The following RALGPS1 variants were observed in gnomAD, a reference collection of about 807,000 sequenced individuals.
The protein encoded by RALGPS1 is ras-specific guanine nucleotide-releasing factor RalGPS1.
In RALGPS1, 19 loss-of-function variants were observed where a neutral mutation model predicts 78.8. The observed-to-expected ratio is 0.24, with a 90% CI of 0.17 to 0.35. The LOEUF (loss-of-function observed/expected upper bound fraction) is 0.35, where lower values mean the gene tolerates loss of function less well. RALGPS1 is among the 10% of genes least tolerant of loss of function. The pLI is 1.00. For synonymous variants in RALGPS1, 228 were observed against 256.3 expected, an observed-to-expected ratio of 0.89 and a Z score of 1.06; for missense variants, 454 against 688.3, an observed-to-expected ratio of 0.66 and a Z score of 3.81.
At chr9:127,100,623 G>A (rs186433877) in intron 8 of RALGPS1, among the ~76,000 whole-genome samples, 3 of 152,324 alleles carry the variant, frequency 2.0e-5, no homozygotes, top group Admixed American at 2.0e-4. Context: ...GGTCTCTGAT[G>A]TAGAGGTGGG....
Position 127,212,571 on chromosome 9 carries a change from G to T in RALGPS1, c.1354-56G>T. On this transcript the variant is annotated intron_variant, in intron 15 of 18. Transcript: ENST00000259351. This position sits in a 1 kb window ranked among gnomAD's most constrained non-coding sequence, Gnocchi z 6.0. ...ATGGCTGGGTCTGTAATCGGCCAGG[G>T]ATCCTCTACCCCCACGACCCCTGGT... is the stretch of plus-strand genomic sequence containing the variant. 7.7e-7 allele frequency: 1 copy of T among 1,306,940 alleles called. No homozygotes were observed. Among genetic ancestry groups the T allele is most frequent in the Non-Finnish European group, 1.1e-6 (1 of 924,944 alleles). The allele number at this position is 1,306,940 out of a possible 1,614,324, so 81.0% of individuals were successfully genotyped here.
chr9:126,923,350 C>T (rs1006022677), intron 1 of RALGPS1, among the ~76,000 whole-genome samples: 5 of 152,288 alleles, frequency 3.3e-5, no homozygotes, highest in East Asian at 1.9e-4. Flanking sequence ...AGGGTCCTAA[C>T]GCCTCAAGTG....
chr9:127,174,297 AAG>A (rs375423416), intron 10 of RALGPS1, among the ~76,000 whole-genome samples: 6,432 of 149,196 alleles, frequency 0.043, 489 homozygotes, highest in African/African-American at 0.16. Context: ...AAGAGAAAGA[AAG>A]AGAAAGAAAG....
intron 7 of RALGPS1, among the ~76,000 whole-genome samples, chr9:127,060,491 G>A (rs2049111607): frequency 6.6e-6 from 1 of 150,860 alleles, no homozygotes; most frequent in South Asian, 2.1e-4. Flanking sequence ...CTCATATTGA[G>A]GGGTTGGTAA....
In RALGPS1 at chr9:127,221,991, G is replaced by A. The variant is rs1318273509; in HGVS notation, c.*3222G>A. The A allele has an allele frequency of 3.9e-5, 6 of 152,230 alleles. No homozygotes were observed. In the East Asian group the frequency reaches 1.2e-3, roughly 29 times the overall value. The allele number at this position is 152,230 out of a possible 1,614,324, so 9.4% of individuals were successfully genotyped here. A position where few individuals can be genotyped will look rare whatever the true frequency, so the allele number is the denominator to read the frequency against. On this transcript the variant is annotated 3_prime_UTR_variant, in exon 19 of 19. Coordinates refer to ENST00000259351, the MANE Select transcript of RALGPS1 (RefSeq NM_014636.3). Reference sequence around the variant, plus strand: ...GTGAGCCCATAAATGACTTAAATCAGCTTTACATCATTTTTACATATCAAG... The same window carrying A: ...GTGAGCCCATAAATGACTTAAATCAACTTTACATCATTTTTACATATCAAG...
At chr9:127,124,250 G>A (rs964311724) in intron 8 of RALGPS1, among the ~76,000 whole-genome samples, 4 of 152,334 alleles carry the variant, frequency 2.6e-5, no homozygotes, top group South Asian at 2.1e-4. Flanking sequence ...GAAAGGCAGC[G>A]CAGTCTCTAC....
chr9:126,992,451 A>G (rs2417046), intron 4 of RALGPS1, among the ~76,000 whole-genome samples: 110,451 of 152,092 alleles, frequency 0.73, 40,330 homozygotes, highest in East Asian at 0.81. Flanking sequence ...GGTAGTGTAC[A>G]TCCTTAAAGT....
At position 127,129,921 on chromosome 9, in the gene RALGPS1, C is replaced by G. The variant is rs377603580; in HGVS notation, c.611-36148C>G. Among the ~76,000 whole-genome samples the G allele has an allele frequency of 2.6e-5, 4 of 152,368 alleles. 1 individual carries two copies. The highest frequency in any genetic ancestry group is 9.6e-5 in the African/African-American group (4 of 41,576). The stretch of plus-strand genomic sequence containing the variant: ...TCTTCATCTGCTCCCAGGATCTGCT[C>G]TTTGGCACCCTGCCCTGTGCCCAGA... On this transcript the variant is annotated intron_variant, in intron 8 of 18. Transcript: ENST00000259351.
At chr9:127,062,243 G>A (rs963052981) in intron 7 of RALGPS1, among the ~76,000 whole-genome samples, 3 of 151,902 alleles carry the variant, frequency 2.0e-5, no homozygotes, top group African/African-American at 4.8e-5. Flanking sequence ...GACTACAGGC[G>A]CCCACCACCA....
chr9:127,052,735 A>T, intron 6 of RALGPS1, 112 bp from the exon 7 acceptor site: 1 of 694,700 alleles, frequency 1.4e-6, no homozygotes, highest in South Asian at 1.8e-5. Context: ...TCCACATGAG[A>T]TATTTTTAAG....
At chr9:126,920,258 A>G (rs764975823) in intron 1 of RALGPS1, among the ~76,000 whole-genome samples, 6 of 152,110 alleles carry the variant, frequency 3.9e-5, no homozygotes, top group Non-Finnish European at 7.4e-5. Flanking sequence ...GGTGAAACCC[A>G]TTCTCTGGAC....
At position 126,965,872 on chromosome 9, in the gene RALGPS1, G is replaced by T. The variant is rs376798704; in HGVS notation, c.86G>T (p.Gly29Val). The part of the protein sequence containing the change: ...QGSSSSDSLE[G>V]QSCDYASKSY... The stretch of plus-strand genomic sequence containing the variant: ...AGCAGCAGCTCGGACTCTCTGGAGG[G>T]CCAGAGCTGCGACTATGCCAGCAAG... Residue 29 changes from glycine to valine, a missense_variant, in exon 3 of 19, where the codon GGC (glycine) becomes GTC (valine). Coordinates refer to ENST00000259351, the MANE Select transcript of RALGPS1 (RefSeq NM_014636.3). 6.2e-7 allele frequency: 1 copy of T among 1,614,066 alleles called. No homozygotes were observed. Among genetic ancestry groups the T allele is most frequent in the Non-Finnish European group, 8.5e-7 (1 of 1,179,984 alleles).
chr9:126,944,570 G>A (rs759175025), intron 1 of RALGPS1, among the ~76,000 whole-genome samples: 1 of 148,322 alleles, frequency 6.7e-6, no homozygotes, highest in African/African-American at 2.5e-5. Flanking sequence ...GAGACTATGG[G>A]GAGGGAAATT....
chr9:127,185,802 A>G (rs2060606846), intron 11 of RALGPS1, among the ~76,000 whole-genome samples: 1 of 152,102 alleles, frequency 6.6e-6, no homozygotes, highest in Non-Finnish European at 1.5e-5. Context: ...CCAGTGTAGT[A>G]TCTCCAGCTC....
At chr9:127,090,417 G>A (rs868214847) in intron 8 of RALGPS1, among the ~76,000 whole-genome samples, 3 of 152,236 alleles carry the variant, frequency 2.0e-5, no homozygotes, top group Admixed American at 1.3e-4. Flanking sequence ...CAGAATGAGG[G>A]CCTGTTCCTC....
intron 1 of RALGPS1, among the ~76,000 whole-genome samples, chr9:126,960,804 A>G (rs550891051): frequency 1.6e-4 from 25 of 152,202 alleles, no homozygotes; most frequent in Non-Finnish European, 2.6e-4. Context: ...CAAATCTGCT[A>G]TGTCACCTCT....
chr9:126,932,805 A>T (rs1337370722), intron 1 of RALGPS1, among the ~76,000 whole-genome samples: 1 of 152,228 alleles, frequency 6.6e-6, no homozygotes, highest in Non-Finnish European at 1.5e-5. Context: ...AAATACATAT[A>T]TACATGTTAG....
At chr9:127,116,273 A>T (rs980965217) in intron 8 of RALGPS1, among the ~76,000 whole-genome samples, 1 of 151,766 alleles carries the variant, frequency 6.6e-6, no homozygotes, top group Non-Finnish European at 1.5e-5. Context: ...CTCCAGGAAG[A>T]GTTCATGGAG....
chr9:127,157,846 C>T (rs961409903), intron 8 of RALGPS1, among the ~76,000 whole-genome samples: 1 of 152,104 alleles, frequency 6.6e-6, no homozygotes, highest in Non-Finnish European at 1.5e-5. Flanking sequence ...TTATCACATT[C>T]AGCATAGTGT....
Sources: gnomAD v4.1 joint callset for allele counts (sites outside exome capture counted in the v4.1 genomes callset) on GRCh38, gnomAD v4.1.1 for gene constraint, Gnocchi (gnomAD v3.1) non-coding constraint, MANE v1.5 for transcripts, NCBI Gene and HGNC (gene_info 2026-07-23, HGNC 2026-07-21) for gene names.